SUCO: variants seen among roughly 807,000 people sequenced by gnomAD.
SUCO encodes SUN domain-containing ossification factor.
SUCO carries 57 observed loss-of-function variants against 148.1 expected under a neutral mutation model. The ratio of observed to expected loss-of-function variants is 0.38; its 90% CI spans 0.31 to 0.48. SUCO has a LOEUF of 0.48. SUCO is among the 20% of genes least tolerant of loss of function. The pLI is 0.96. For missense variants in SUCO, 1,331 were observed against 1,468.2 expected, an observed-to-expected ratio of 0.91 and a Z score of 1.53; for synonymous variants, 470 against 502.7, an observed-to-expected ratio of 0.93 and a Z score of 0.87.
In SUCO at chr1:172,587,150, C is replaced by T. The variant is rs73034049; in HGVS notation, c.1658+1202C>T. On this transcript the variant is annotated intron_variant, in intron 17 of 23. Coordinates refer to ENST00000263688, the MANE Select transcript of SUCO (RefSeq NM_014283.5). The stretch of plus-strand genomic sequence containing the variant: ...GTTGAAAGCTGTAGTCACAGGCTAA[C>T]GTAGCAGTTTTTATTTTTCCATATT... Among the ~76,000 whole-genome samples, 562 of 152,134 alleles carry T rather than the reference C, an allele frequency of 3.7e-3. 3 individuals carry two copies. The highest frequency in any genetic ancestry group is 0.012 in the African/African-American group (482 of 41,542).
chr1:172,569,806 T>C (rs778623473), intron 7 of SUCO, among the ~76,000 whole-genome samples: 5 of 152,200 alleles, frequency 3.3e-5, no homozygotes, highest in African/African-American at 4.8e-5. Context: ...TTGTGAGTTA[T>C]GTTACTTAGA....
rs757490905 is a variant in SUCO at position 172,585,106 on chromosome 1, G to T, written c.1567+20G>T. The T allele has an allele frequency of 6.4e-7, 1 of 1,563,892 alleles. No homozygotes were observed. The highest frequency in any genetic ancestry group is 1.2e-5 in the South Asian group (1 of 84,442). On this transcript the variant is annotated intron_variant, in intron 16 of 23. Transcript: ENST00000263688. ...CAGAAGGTACCTAATCATTTTATGG[G>T]TCTTTTAAATAGCTGGTACTCCAGG...
At chr1:172,604,894 G>A (rs1323685969) in intron 22 of SUCO, among the ~76,000 whole-genome samples, 2 of 151,654 alleles carry the variant, frequency 1.3e-5, no homozygotes, top group Non-Finnish European at 3.0e-5. Context: ...TTTTATTTAT[G>A]TACCTCATTT....
upstream of SUCO, chr1:172,532,614 TCAAA>T: frequency 6.2e-7 from 1 of 1,613,890 alleles, no homozygotes; most frequent in Non-Finnish European, 8.5e-7. Flanking sequence ...CGAACTGTGC[TCAAA>T]AGAGGAAAAC....
intron 15 of SUCO, among the ~76,000 whole-genome samples, chr1:172,584,817 A>G (rs948348078): frequency 1.3e-5 from 2 of 152,366 alleles, no homozygotes; most frequent in South Asian, 2.1e-4. Flanking sequence ...CCTTTTGAAC[A>G]TAAAAATTTA....
At position 172,585,889 on chromosome 1, in the gene SUCO, C is replaced by T; in HGVS notation, c.1599C>T (p.Ala533=). The T allele has an allele frequency of 6.2e-7, 1 of 1,610,328 alleles. No homozygotes were observed. Among genetic ancestry groups the T allele is most frequent in the Non-Finnish European group, 8.5e-7 (1 of 1,178,170 alleles). ...AAAGTATATCTGAGAATGCCACTGC[C>T]ACAGCTGCACCTAAAATGCCTGAAT... ...GNKSISENAT[A]TAAPKMPEST... The change falls in exon 17 of 24, where the codon GCC becomes GCT. Residue 533 remains alanine (A), a synonymous_variant. Coordinates refer to ENST00000263688, the MANE Select transcript of SUCO (RefSeq NM_014283.5).
chr1:172,572,439 T>C (rs1655099242), intron 9 of SUCO, among the ~76,000 whole-genome samples: 2 of 151,904 alleles, frequency 1.3e-5, no homozygotes, highest in Admixed American at 1.3e-4. Context: ...CTGTGTCCAC[T>C]CAGGGTTAAA....
chr1:172,578,496 T>C (rs757757781), intron 14 of SUCO, 107 bp downstream of exon 14: 1 of 1,395,972 alleles, frequency 7.2e-7, no homozygotes, highest in Non-Finnish European at 9.4e-7. Flanking sequence ...ACTGTTGTCT[T>C]CAGGCTTTTG....
At chr1:172,535,453 G>A (rs1651937048) in intron 1 of SUCO, among the ~76,000 whole-genome samples, 1 of 152,140 alleles carries the variant, frequency 6.6e-6, no homozygotes, top group South Asian at 2.1e-4. Flanking sequence ...GAAGAGGAGT[G>A]GTACCTGGTG....
At position 172,589,255 on chromosome 1, in the gene SUCO, A is replaced by G. The variant is rs1430815874; in HGVS notation, c.2154A>G (p.Ala718=). The G allele has an allele frequency of 1.2e-6, 2 of 1,613,810 alleles. No individual in the cohort carries two copies. The highest frequency in any genetic ancestry group is 2.2e-5 in the East Asian group (1 of 44,890). ...ACTTGGTGAATCACACTGTAGATGC[A>G]GTTGAACTTGAACCAAGCCATTCTC... ...QDDLVNHTVD[A]VELEPSHSQT... The change falls in exon 18 of 24, where the codon GCA becomes GCG. Residue 718 remains alanine, a synonymous_variant. Coordinates refer to ENST00000263688, the MANE Select transcript of SUCO (RefSeq NM_014283.5).
intron 22 of SUCO, among the ~76,000 whole-genome samples, chr1:172,603,429 G>A (rs547065730): frequency 1.3e-5 from 2 of 151,832 alleles, no homozygotes; most frequent in East Asian, 1.9e-4. Context: ...CTTAATAATC[G>A]ATGGTTGTAG....
At chr1:172,556,915 A>G (rs907439078) in intron 4 of SUCO, 1 of 957,684 alleles carries the variant, frequency 1.0e-6, no homozygotes, top group Admixed American at 6.2e-5. Flanking sequence ...AATTCTAAGA[A>G]CACCTTAAAA....
At chr1:172,537,054 T>A (rs1652076786) in intron 1 of SUCO, among the ~76,000 whole-genome samples, 1 of 152,152 alleles carries the variant, frequency 6.6e-6, no homozygotes, top group Non-Finnish European at 1.5e-5. Flanking sequence ...GGGCGCATTA[T>A]TCAGCCTATA....
rs1197884949 is a variant in SUCO at position 172,610,341 on chromosome 1, G to A, written c.*82G>A. The A allele has an allele frequency of 1.4e-6, 2 of 1,460,812 alleles. No homozygotes were observed. Among genetic ancestry groups the A allele is most frequent in the Non-Finnish European group, 1.8e-6 (2 of 1,106,224 alleles). The allele number at this position is 1,460,812 out of a possible 1,614,324, so 90.5% of individuals were successfully genotyped here. The stretch of plus-strand genomic sequence containing the variant: ...TCTGTAGTATTTGAAGGGTTTGGGG[G>A]AGGGAGAAAATATTAATGGGAAAGG... On this transcript the variant is annotated 3_prime_UTR_variant, in exon 24 of 24. Transcript: ENST00000263688.
chr1:172,541,454 A>AG (rs1465618203), intron 1 of SUCO, among the ~76,000 whole-genome samples: 1 of 152,232 alleles, frequency 6.6e-6, no homozygotes, highest in Non-Finnish European at 1.5e-5. Context: ...CTGGATCCCA[A>AG]GGGATGACCG....
intron 6 of SUCO, among the ~76,000 whole-genome samples, chr1:172,559,209 T>C (rs1299939779): frequency 1.3e-5 from 2 of 152,232 alleles, no homozygotes; most frequent in African/African-American, 4.8e-5. Context: ...TTTTGTTGTA[T>C]TGTTTATAGA....
intron 10 of SUCO, chr1:172,574,889 C>T: frequency 2.0e-6 from 2 of 985,186 alleles, no homozygotes; most frequent in Non-Finnish European, 2.4e-6. Context: ...TATTCTGCCG[C>T]TACCCTTGCT....
At chr1:172,538,848 C>A (rs1652223534) in intron 1 of SUCO, among the ~76,000 whole-genome samples, 1 of 152,120 alleles carries the variant, frequency 6.6e-6, no homozygotes, top group Admixed American at 6.5e-5. Flanking sequence ...TCCCTTCAGA[C>A]AAGTTAGATG....
At chr1:172,590,873 A>C (rs1656601940) in intron 18 of SUCO, 111 bp from the exon 19 acceptor site, 1 of 718,666 alleles carries the variant, frequency 1.4e-6, no homozygotes, top group Non-Finnish European at 2.4e-6. Context: ...AATAAGAGTC[A>C]CTTTCAGAAA....
Sources: gnomAD v4.1 joint callset for allele counts (sites outside exome capture counted in the v4.1 genomes callset) on GRCh38, gnomAD v4.1.1 for gene constraint, MANE v1.5 for transcripts, NCBI Gene and HGNC (gene_info 2026-07-23, HGNC 2026-07-21) for gene names.